Variants in FAXC observed in about 807,000 individuals in gnomAD.
The protein encoded by FAXC is failed axon connections homolog, metaxin like GST domain containing.
A neutral mutation model predicts 41.9 loss-of-function variants in FAXC; 10 were observed. That is an observed-to-expected ratio of 0.24 (90% confidence interval 0.15 to 0.41). The LOEUF is 0.41. FAXC is among the 10% of genes least tolerant of loss of function. FAXC has a pLI of 1.00. For synonymous variants in FAXC, 183 were observed against 183.8 expected (o/e 1.00, Z 0.03); for missense variants, 399 against 510.9 (o/e 0.78, Z 2.11).
In FAXC at chr6:99,281,002, TG is replaced by T. The variant is rs1400699910; in HGVS notation, c.*161del. The T allele has an allele frequency of 9.9e-6, 6 of 604,838 alleles. No homozygotes were observed. 37.5% of individuals were successfully genotyped at this position (604,838 alleles called of 1,614,324 possible). A position where few individuals can be genotyped will look rare whatever the true frequency, so the allele number is the denominator to read the frequency against. ...GAGTCATCTGAATGGTTCTGTGTTT[TG>T]TTTGTACAAAAAAGAAATAAGGCTG... On this transcript the variant is annotated 3_prime_UTR_variant, in exon 6 of 6. Coordinates refer to ENST00000389677, the MANE Select transcript of FAXC (RefSeq NM_032511.4).
chr6:99,342,346 CTTTT>C (rs113675285), intron 2 of FAXC, among the ~76,000 whole-genome samples: 1 of 143,502 alleles, frequency 7.0e-6, no homozygotes, highest in Non-Finnish European at 1.5e-5. Context: ...CCAAAGCATA[CTTTT>C]TTTTTTTTTT....
At position 99,277,364 on chromosome 6, in the gene FAXC, A is replaced by AG. The variant is rs571946287; in HGVS notation, c.*3799dup. The AG allele has an allele frequency of 7.9e-5, 12 of 152,446 alleles. No homozygotes were observed. The South Asian group carries it at 2.5e-3, about 32-fold the overall frequency. 9.4% of individuals were successfully genotyped at this position (152,446 alleles called of 1,614,324 possible). A position where few individuals can be genotyped will look rare whatever the true frequency, so the allele number is the denominator to read the frequency against. ...GAGGCTAGAGAAGTCTAGGCAAAAG[A>AG]GGATGCCCTGAAATCAGAGTTCTAT... On this transcript the variant is annotated 3_prime_UTR_variant, in exon 6 of 6. Transcript: ENST00000389677.
At chr6:99,320,514 C>A (rs1223427759) in intron 4 of FAXC, among the ~76,000 whole-genome samples, 1 of 152,166 alleles carries the variant, frequency 6.6e-6, no homozygotes, top group South Asian at 2.1e-4. Flanking sequence ...CTCTTTACCA[C>A]CTCCCACCAG....
chr6:99,324,230 T>A, intron 3 of FAXC, among the ~76,000 whole-genome samples: 1 of 151,894 alleles, frequency 6.6e-6, no homozygotes, highest in East Asian at 1.9e-4. Context: ...GAAAGAAACC[T>A]TTTTCCCTTT....
intron 1 of FAXC, among the ~76,000 whole-genome samples, chr6:99,346,589 GACGGGGTTTCACA>G (rs1773603335): frequency 1.3e-5 from 1 of 77,030 alleles, no homozygotes; most frequent in Admixed American, 1.4e-4. Context: ...TTTTTTAGTA[GACGGGGTTTCACA>G]ATGTTGGCCA....
intron 4 of FAXC, among the ~76,000 whole-genome samples, chr6:99,311,565 A>C (rs1189471572): frequency 6.6e-6 from 1 of 152,178 alleles, no homozygotes; most frequent in African/African-American, 2.4e-5. Context: ...ATAGAGCAAG[A>C]CTCCGTCTCA....
chr6:99,302,796 A>G (rs774614105), intron 4 of FAXC, among the ~76,000 whole-genome samples: 7 of 152,136 alleles, frequency 4.6e-5, no homozygotes, highest in Non-Finnish European at 1.0e-4. Context: ...CAAGAAGAAA[A>G]CATCCTTATT....
At position 99,349,465 on chromosome 6, in the gene FAXC, G is replaced by A; in HGVS notation, c.-93C>T. 1 of 956,484 alleles carries A rather than the reference G, an allele frequency of 1.0e-6. No individual in the cohort carries two copies. Among genetic ancestry groups the A allele is most frequent in the East Asian group, 1.1e-4 (1 of 9,262 alleles). 59.2% of individuals were successfully genotyped at this position (956,484 alleles called of 1,614,324 possible). A position where few individuals can be genotyped will look rare whatever the true frequency, so the allele number is the denominator to read the frequency against. On this transcript the variant is annotated 5_prime_UTR_variant, in exon 1 of 6. Transcript: ENST00000389677. ...GCCCGGCGCGGGCTCAGAGGCGCGCGGAGGGCGCGGGCGGCGCGGGCGGCG... is the reference window on the plus strand; with the variant it reads ...GCCCGGCGCGGGCTCAGAGGCGCGCAGAGGGCGCGGGCGGCGCGGGCGGCG...
chr6:99,316,776 GA>G (rs1273084745), intron 4 of FAXC, among the ~76,000 whole-genome samples: 1 of 152,150 alleles, frequency 6.6e-6, no homozygotes, highest in Admixed American at 6.5e-5. Context: ...CACCTTCCAT[GA>G]ACTAAGTGAT....
chr6:99,324,568 C>T (rs1169408000), intron 3 of FAXC, among the ~76,000 whole-genome samples: 1 of 152,198 alleles, frequency 6.6e-6, no homozygotes, highest in East Asian at 1.9e-4. Flanking sequence ...TAGTGGTAAA[C>T]TTGCTCATTC....
chr6:99,339,832 T>G (rs1248107694), intron 2 of FAXC, among the ~76,000 whole-genome samples: 1 of 151,648 alleles, frequency 6.6e-6, no homozygotes, highest in Non-Finnish European at 1.5e-5. Context: ...AAGCAGAGTT[T>G]CCAAAATCTG....
At chr6:99,341,417 T>A (rs1421466423) in intron 2 of FAXC, among the ~76,000 whole-genome samples, 1 of 151,998 alleles carries the variant, frequency 6.6e-6, no homozygotes, top group African/African-American at 2.4e-5. Context: ...TGAAGAAAGA[T>A]ATCCTAAGCA....
intron 5 of FAXC, among the ~76,000 whole-genome samples, chr6:99,290,213 G>A (rs1771185536): frequency 6.6e-6 from 1 of 151,198 alleles, no homozygotes; most frequent in South Asian, 2.1e-4. Flanking sequence ...TTTCCACCAT[G>A]AATTTTACTT....
intron 4 of FAXC, among the ~76,000 whole-genome samples, chr6:99,314,188 A>G (rs1178018003): frequency 6.6e-6 from 1 of 152,052 alleles, no homozygotes; most frequent in Non-Finnish European, 1.5e-5. Flanking sequence ...TTTAATGTCC[A>G]GAACCTGATT....
At chr6:99,281,578 T>TG in intron 5 of FAXC, 125 bp from the exon 6 acceptor site, 1 of 795,604 alleles carries the variant, frequency 1.3e-6, no homozygotes, top group East Asian at 2.4e-5. Context: ...TCTAAGGAGG[T>TG]GGGGCCTTTA....
chr6:99,289,715 GTGTGTATA>G (rs1771160088), intron 5 of FAXC, among the ~76,000 whole-genome samples: 1 of 130,842 alleles, frequency 7.6e-6, no homozygotes, highest in African/African-American at 3.0e-5. Flanking sequence ...GTGTGTGTGT[GTGTGTATA>G]TATATATATA....
At chr6:99,318,932 G>T (rs1772478662) in intron 4 of FAXC, among the ~76,000 whole-genome samples, 3 of 152,092 alleles carry the variant, frequency 2.0e-5, no homozygotes, top group Admixed American at 1.3e-4. Context: ...CTCTGTTTTT[G>T]ATTTTCATGT....
At chr6:99,341,204 TAGAA>T (rs67382744) in intron 2 of FAXC, among the ~76,000 whole-genome samples, 74,946 of 151,416 alleles carry the variant, frequency 0.49, 18,801 homozygotes, top group East Asian at 0.6. Context: ...AAATATCTAT[TAGAA>T]AGCAGGAAAT....
At chr6:99,291,658 C>T in intron 5 of FAXC, 46 bp downstream of exon 5, 2 of 1,426,452 alleles carry the variant, frequency 1.4e-6, no homozygotes, top group Non-Finnish European at 2.0e-6. Context: ...CACTGCCCAC[C>T]CAGCCCCAGT....
Sources: gnomAD v4.1 joint callset for allele counts (sites outside exome capture counted in the v4.1 genomes callset) on GRCh38, gnomAD v4.1.1 for gene constraint, MANE v1.5 for transcripts, NCBI Gene and HGNC (gene_info 2026-07-23, HGNC 2026-07-21) for gene names.